HECW1: variants seen among roughly 807,000 people sequenced by gnomAD.
HECW1 encodes E3 ubiquitin-protein ligase HECW1.
In HECW1, 61 loss-of-function variants were observed where a neutral mutation model predicts 182.3. The observed-to-expected ratio is 0.33, with a 90% CI of 0.27 to 0.41. The LOEUF (loss-of-function observed/expected upper bound fraction) is 0.41. Among genes scored for constraint, HECW1 ranks in the 10% least tolerant of loss-of-function variants. The pLI is 1.00. For missense variants in HECW1, 1,739 were observed against 2,108.9 expected (o/e 0.82, Z 3.44); for synonymous variants, 859 against 832.6 (o/e 1.03, Z -0.55).
chr7:43,191,306 T>C (rs574051772), intron 2 of HECW1, among the ~76,000 whole-genome samples: 2 of 152,342 alleles, frequency 1.3e-5, no homozygotes, highest in East Asian at 3.9e-4. Flanking sequence ...CCTGAGGCCA[T>C]TGACATACAC....
intron 8 of HECW1, among the ~76,000 whole-genome samples, chr7:43,417,102 G>A (rs2076035981): frequency 6.6e-6 from 1 of 152,190 alleles, no homozygotes; most frequent in Non-Finnish European, 1.5e-5. Flanking sequence ...CCAGGCTGGA[G>A]TGCAATGGCG....
intron 2 of HECW1, among the ~76,000 whole-genome samples, chr7:43,212,084 C>A (rs1481216960): frequency 6.6e-6 from 1 of 152,194 alleles, no homozygotes; most frequent in Admixed American, 6.5e-5. Flanking sequence ...TTCTTTACAC[C>A]TGTCCTCAGC....
chr7:43,266,037 A>G (rs1025035012), intron 3 of HECW1, among the ~76,000 whole-genome samples: 1 of 152,120 alleles, frequency 6.6e-6, no homozygotes, highest in Non-Finnish European at 1.5e-5. Context: ...CCTGGGCCAC[A>G]TCATTTAGGG....
At chr7:43,293,219 C>CAAAAAAAAAAAAAAAAAAAGAAAAAAA (rs34748611) in intron 3 of HECW1, among the ~76,000 whole-genome samples, 1 of 76,590 alleles carries the variant, frequency 1.3e-5, no homozygotes, top group African/African-American at 4.3e-5. Context: ...GACTATGTCT[C>CAAAAAAAAAAAAAAAAAAAGAAAAAAA]AAAAAAAAAA....
intron 5 of HECW1, among the ~76,000 whole-genome samples, chr7:43,336,124 T>TTCTCTC (rs1233029672): frequency 0.016 from 1,021 of 64,082 alleles, 62 homozygotes; most frequent in Middle Eastern, 0.044. Flanking sequence ...CTTTCTTTCT[T>TTCTCTC]TCTCTCTCTC....
At chr7:43,464,802 G>GTTA (rs569639935) in intron 14 of HECW1, among the ~76,000 whole-genome samples, 1 of 151,868 alleles carries the variant, frequency 6.6e-6, no homozygotes, top group Admixed American at 6.6e-5. Context: ...AGGTTTTTCT[G>GTTA]TTATTATTAT....
At chr7:43,266,223 A>G (rs1801776635) in intron 3 of HECW1, among the ~76,000 whole-genome samples, 1 of 152,154 alleles carries the variant, frequency 6.6e-6, no homozygotes, top group Admixed American at 6.5e-5. Flanking sequence ...GAAGCTGTCT[A>G]GGGACCTACC....
chr7:43,371,854 T>TTG (rs1367215512), intron 6 of HECW1, among the ~76,000 whole-genome samples: 1 of 152,156 alleles, frequency 6.6e-6, no homozygotes, highest in African/African-American at 2.4e-5. Context: ...AGTTTCGTTC[T>TTG]TGTTGCCCAG....
At chr7:43,505,311 C>T (rs2152926525) in intron 21 of HECW1, among the ~76,000 whole-genome samples, 1 of 152,308 alleles carries the variant, frequency 6.6e-6, no homozygotes, top group East Asian at 1.9e-4. Context: ...TTCATTGCCT[C>T]TTAAATACAT....
intron 3 of HECW1, among the ~76,000 whole-genome samples, chr7:43,250,179 T>C (rs1457734805): frequency 6.6e-6 from 1 of 151,540 alleles, no homozygotes; most frequent in African/African-American, 2.4e-5. Context: ...AAAATAAAAC[T>C]GGATTTGGTA....
chr7:43,524,887 G>T (rs897764694), intron 24 of HECW1, among the ~76,000 whole-genome samples: 2 of 152,210 alleles, frequency 1.3e-5, no homozygotes, highest in African/African-American at 4.8e-5. Context: ...AGAGGGGCAT[G>T]AAATGCTATT....
In HECW1 at chr7:43,241,612, ATGTATGTGTG is replaced by A. The variant is rs1473427289; in HGVS notation, c.-31-2259_-31-2250del. The stretch of plus-strand genomic sequence containing the variant: ...TTTTCCTCTTCTTTTTACTCTCCTA[ATGTATGTGTG>A]TGTGTGTGTGTGTGTGTGTGTGTGT... On this transcript the variant is annotated intron_variant, in intron 2 of 29. Transcript: ENST00000395891. 4.1e-3 allele frequency: 474 copies of A among 115,072 alleles called. 3 individuals carry two copies. In the East Asian group the frequency reaches 0.041, roughly 10 times the overall value. 7.1% of individuals were successfully genotyped at this position (115,072 alleles called of 1,614,324 possible). A position where few individuals can be genotyped will look rare whatever the true frequency, so the allele number is the denominator to read the frequency against.
intron 9 of HECW1, chr7:43,440,611 GC>G (rs752248174): frequency 9.2e-5 from 14 of 152,180 alleles, no homozygotes; most frequent in Admixed American, 2.6e-4. Flanking sequence ...AAAAAGAAAA[GC>G]CCTGAAAGTA....
chr7:43,315,818 T>C (rs991808469), intron 4 of HECW1, among the ~76,000 whole-genome samples: 5 of 152,134 alleles, frequency 3.3e-5, no homozygotes, highest in African/African-American at 9.7e-5. Context: ...AGTGAAGTCA[T>C]GGTCCAGCCA....
chr7:43,361,068 G>C, intron 6 of HECW1, 88 bp downstream of exon 6: 1 of 696,250 alleles, frequency 1.4e-6, no homozygotes, highest in Non-Finnish European at 2.5e-6. Context: ...GTGTGTGTGT[G>C]TGTGTGTGTG....
At chr7:43,174,129 C>T (rs1791978473) in intron 2 of HECW1, among the ~76,000 whole-genome samples, 1 of 152,204 alleles carries the variant, frequency 6.6e-6, no homozygotes, top group Non-Finnish European at 1.5e-5. Flanking sequence ...GCATGAGCCA[C>T]AGTGCCTAGC....
intron 8 of HECW1, among the ~76,000 whole-genome samples, chr7:43,427,179 T>C (rs899020976): frequency 1.3e-5 from 2 of 152,214 alleles, no homozygotes; most frequent in Non-Finnish European, 2.9e-5. Context: ...AGTACTTTGA[T>C]GTATAACTAG....
intron 5 of HECW1, among the ~76,000 whole-genome samples, chr7:43,338,145 G>A (rs923693841): frequency 6.6e-6 from 1 of 152,150 alleles, no homozygotes; most frequent in Non-Finnish European, 1.5e-5. Flanking sequence ...TGGCACAGAA[G>A]GCACTAGACT....
At chr7:43,267,970 T>C (rs1801973735) in intron 3 of HECW1, among the ~76,000 whole-genome samples, 1 of 152,028 alleles carries the variant, frequency 6.6e-6, no homozygotes, top group African/African-American at 2.4e-5. Flanking sequence ...ACTGATAAAC[T>C]TTCAAGCAGT....
Sources: gnomAD v4.1 joint callset for allele counts (sites outside exome capture counted in the v4.1 genomes callset) on GRCh38, gnomAD v4.1.1 for gene constraint, MANE v1.5 for transcripts, NCBI Gene and HGNC (gene_info 2026-07-23, HGNC 2026-07-21) for gene names.